Variants in EHD4 observed in about 807,000 individuals in gnomAD.
EHD4 encodes EH domain containing 4, also known as EH domain-containing protein 4.
Under a neutral mutation model 51.0 loss-of-function variants are expected in EHD4, and 37 were observed. That is an observed-to-expected ratio of 0.73 (90% confidence interval 0.56 to 0.95). EHD4 has a LOEUF of 0.95. EHD4 is among the 40% of genes least tolerant of loss of function. EHD4 has a pLI of 0.00. For missense variants in EHD4, 632 were observed against 733.1 expected (o/e 0.86, Z 1.59); for synonymous variants, 297 against 317.3 (o/e 0.94, Z 0.68).
intron 3 of EHD4, among the ~76,000 whole-genome samples, chr15:41,926,903 T>C (rs757172909): frequency 1.3e-5 from 2 of 152,210 alleles, no homozygotes; most frequent in Non-Finnish European, 1.5e-5. Context: ...TCTGGGGAAC[T>C]TTCCTCCAGG....
chr15:41,948,084 T>C (rs2067827089), intron 2 of EHD4, among the ~76,000 whole-genome samples: 1 of 152,118 alleles, frequency 6.6e-6, no homozygotes. Flanking sequence ...TGAAACCCTG[T>C]CTGTACTAAA....
intron 3 of EHD4, among the ~76,000 whole-genome samples, chr15:41,939,955 G>A (rs191333664): frequency 1.2e-3 from 190 of 152,134 alleles, no homozygotes; most frequent in African/African-American, 4.4e-3. Context: ...AGATTTAGAT[G>A]ACGTTTACTC....
intron 3 of EHD4, 139 bp downstream of exon 3, chr15:41,942,928 T>C: frequency 1.5e-6 from 1 of 679,804 alleles, no homozygotes; most frequent in Non-Finnish European, 2.6e-6. Context: ...GAACTCCTGG[T>C]TGACACTTGG....
At chr15:41,904,784 C>T (rs1359281829) in intron 5 of EHD4, among the ~76,000 whole-genome samples, 3 of 152,232 alleles carry the variant, frequency 2.0e-5, no homozygotes, top group East Asian at 3.9e-4. Context: ...TCAGCAGTAA[C>T]GGTGGCCCTT....
chr15:41,946,856 C>G (rs941106564), intron 2 of EHD4, among the ~76,000 whole-genome samples: 1 of 152,166 alleles, frequency 6.6e-6, no homozygotes, highest in African/African-American at 2.4e-5. Flanking sequence ...AAGAACCAGA[C>G]AGTACCTTAA....
At chr15:41,949,051 T>TATATATATATATATATATAC (rs1491135423) in intron 2 of EHD4, among the ~76,000 whole-genome samples, 57 of 109,358 alleles carry the variant, frequency 5.2e-4, no homozygotes, top group Non-Finnish European at 7.7e-4. Context: ...TATATATATA[T>TATATATATATATATATATAC]ACACACATAC....
In EHD4 at chr15:41,953,823, G is replaced by A. The variant is rs775721419; in HGVS notation, c.354C>T (p.Val118=). The A allele has an allele frequency of 2.1e-5, 34 of 1,613,744 alleles. No homozygotes were observed. Among genetic ancestry groups the A allele is most frequent in the South Asian group, 1.2e-4 (11 of 90,980 alleles). ...TEGSTPGNAL[V]VDPKKPFRKL... ...TTCTAAACGGCTTTTTGGGGTCCAC[G>A]ACTAAAGCATTCCCTGGGGTGCTGC... Residue 118 remains valine (V), a synonymous_variant, in exon 2 of 6, where the codon GTC becomes GTT. Coordinates refer to ENST00000220325, the MANE Select transcript of EHD4 (RefSeq NM_139265.4).
At chr15:41,907,822 CTCTG>C (rs1419079224) in intron 5 of EHD4, among the ~76,000 whole-genome samples, 2 of 127,404 alleles carry the variant, frequency 1.6e-5, no homozygotes, top group African/African-American at 3.0e-5. Context: ...TGCGCCCAGG[CTCTG>C]TGTGTGTGTG....
rs1450999232 is a variant in EHD4 at position 41,899,002 on chromosome 15, T to C, written c.*1643A>G. 6.6e-6 allele frequency: 1 copy of C among 152,078 alleles called. No individual in the cohort carries two copies. Among genetic ancestry groups the C allele is most frequent in the Non-Finnish European group, 1.5e-5 (1 of 68,012 alleles). The allele number at this position is 152,078 out of a possible 1,614,324, so 9.4% of individuals were successfully genotyped here. The stretch of plus-strand genomic sequence containing the variant: ...GGGTAGGCATCTGGATATAAATGCT[T>C]CTCCCAAATCAAGATTTTCTCTTCA... On this transcript the variant is annotated 3_prime_UTR_variant, in exon 6 of 6. Coordinates refer to ENST00000220325, the MANE Select transcript of EHD4 (RefSeq NM_139265.4).
intron 2 of EHD4, among the ~76,000 whole-genome samples, chr15:41,944,691 G>A (rs928038238): frequency 4.6e-5 from 7 of 152,198 alleles, no homozygotes. Context: ...TGGAAAAGTT[G>A]AAGCACAAAG....
intron 5 of EHD4, among the ~76,000 whole-genome samples, chr15:41,905,895 C>T (rs183971577): frequency 1.4e-4 from 22 of 152,352 alleles, no homozygotes; most frequent in Non-Finnish European, 2.4e-4. Flanking sequence ...TGTTCTCCAA[C>T]CCCTGGACTC....
chr15:41,944,226 T>C (rs576329180), intron 2 of EHD4, among the ~76,000 whole-genome samples: 1 of 152,322 alleles, frequency 6.6e-6, no homozygotes, highest in African/African-American at 2.4e-5. Context: ...GGTCTGGCGA[T>C]GTCCTTTTAG....
chr15:41,924,120 G>A (rs560892504), intron 3 of EHD4, among the ~76,000 whole-genome samples: 6 of 152,184 alleles, frequency 3.9e-5, no homozygotes, highest in Admixed American at 2.0e-4. Context: ...TTGAGCTGTG[G>A]TTACTCTGGT....
intron 2 of EHD4, among the ~76,000 whole-genome samples, chr15:41,952,237 C>T (rs892191980): frequency 4.6e-5 from 7 of 152,166 alleles, no homozygotes; most frequent in African/African-American, 1.7e-4. Context: ...TTTGGGAGGA[C>T]AGCAGCCGGC....
intron 5 of EHD4, among the ~76,000 whole-genome samples, chr15:41,906,823 C>T (rs946933334): frequency 6.6e-6 from 1 of 152,226 alleles, no homozygotes; most frequent in African/African-American, 2.4e-5. Flanking sequence ...TATGTCAGCA[C>T]TTGGAGTGGC....
intron 1 of EHD4, among the ~76,000 whole-genome samples, chr15:41,961,161 T>G (rs1364531984): frequency 6.6e-6 from 1 of 152,190 alleles, no homozygotes; most frequent in African/African-American, 2.4e-5. Flanking sequence ...TTTTCGTATC[T>G]CAGGCTATTT....
chr15:41,951,923 A>C (rs2067854920), intron 2 of EHD4, among the ~76,000 whole-genome samples: 1 of 152,228 alleles, frequency 6.6e-6, no homozygotes, highest in African/African-American at 2.4e-5. Context: ...AATCACCTGG[A>C]CAGTGTTCCT....
chr15:41,944,308 T>C (rs1347348226), intron 2 of EHD4, among the ~76,000 whole-genome samples: 2 of 152,232 alleles, frequency 1.3e-5, no homozygotes, highest in Non-Finnish European at 2.9e-5. Flanking sequence ...CACCAGGGTC[T>C]GGGATGGACC....
intron 1 of EHD4, among the ~76,000 whole-genome samples, chr15:41,962,157 G>A (rs975836041): frequency 6.6e-6 from 1 of 152,202 alleles, no homozygotes; most frequent in African/African-American, 2.4e-5. Flanking sequence ...GCTGCTGCTT[G>A]GGAAGAGCAA....
Sources: allele counts gnomAD v4.1 joint callset (sites outside exome capture counted in the v4.1 genomes callset), GRCh38; gene constraint gnomAD v4.1.1; transcripts MANE v1.5; gene names NCBI Gene and HGNC (gene_info 2026-07-23, HGNC 2026-07-21).